LDB2: variants seen among roughly 807,000 people sequenced by gnomAD.
LDB2 encodes LIM domain-binding protein 2.
In LDB2, 12 loss-of-function variants were observed where a neutral mutation model predicts 44.3. The ratio of observed to expected loss-of-function variants is 0.27; its 90% CI spans 0.17 to 0.44. LDB2 has a LOEUF of 0.44. Ranked by LOEUF, LDB2 falls within the 20% of genes least tolerant of loss-of-function variation. The probability of loss-of-function intolerance (pLI) is 1.00; values close to 1 mark genes in which losing one functional copy is unlikely to be tolerated. For missense variants in LDB2, 344 were observed against 473.5 expected, an observed-to-expected ratio of 0.73 and a Z score of 2.54; for synonymous variants, 164 against 174.8, an observed-to-expected ratio of 0.94 and a Z score of 0.49.
chr4:16,681,618 CTTTTTT>C (rs536589787), intron 2 of LDB2, among the ~76,000 whole-genome samples: 41 of 61,698 alleles, frequency 6.6e-4, no homozygotes, highest in Admixed American at 1.0e-3. Flanking sequence ...GTATTCTATT[CTTTTTT>C]TTTTTTTTTT....
At chr4:16,867,363 C>G (rs1436637958) in intron 1 of LDB2, among the ~76,000 whole-genome samples, 2 of 152,120 alleles carry the variant, frequency 1.3e-5, no homozygotes, top group Non-Finnish European at 2.9e-5. Context: ...ATGGGTAGGT[C>G]AATTACCCCC....
intron 5 of LDB2, among the ~76,000 whole-genome samples, chr4:16,585,689 C>G (rs567291538): frequency 6.6e-6 from 1 of 152,204 alleles, no homozygotes; most frequent in East Asian, 1.9e-4. Context: ...ATAATTAATT[C>G]CAAGAGACAT....
chr4:16,750,772 G>A (rs990529008), intron 2 of LDB2: 1 of 152,146 alleles, frequency 6.6e-6, no homozygotes, highest in Non-Finnish European at 1.5e-5. Context: ...CTCAAGTATT[G>A]CATTTGTATA....
At chr4:16,848,391 C>T (rs1787516823) in intron 1 of LDB2, among the ~76,000 whole-genome samples, 2 of 152,166 alleles carry the variant, frequency 1.3e-5, no homozygotes, top group African/African-American at 4.8e-5. Flanking sequence ...TGTCAAAAAT[C>T]TTGAGTATTC....
At chr4:16,628,963 G>T (rs1391695650) in intron 2 of LDB2, among the ~76,000 whole-genome samples, 2 of 152,344 alleles carry the variant, frequency 1.3e-5, no homozygotes, top group African/African-American at 2.4e-5. Context: ...CCCTGTGCCT[G>T]GCTCAGTGGG....
intron 1 of LDB2, among the ~76,000 whole-genome samples, chr4:16,865,674 C>T (rs535010209): frequency 3.3e-5 from 5 of 152,282 alleles, no homozygotes; most frequent in Admixed American, 6.5e-5. Context: ...AGTTGACAAC[C>T]GACTCTAGGG....
At chr4:16,628,798 G>A (rs57438869) in intron 2 of LDB2, among the ~76,000 whole-genome samples, 4,798 of 152,244 alleles carry the variant, frequency 0.032, 114 homozygotes, top group Non-Finnish European at 0.051. Context: ...GAAGGGTGGG[G>A]TGTCACCTCA....
At chr4:16,733,257 G>T (rs1232644041) in intron 2 of LDB2, among the ~76,000 whole-genome samples, 1 of 152,080 alleles carries the variant, frequency 6.6e-6, no homozygotes, top group Non-Finnish European at 1.5e-5. Context: ...TGATTATAAG[G>T]TGAATTGGAG....
chr4:16,612,207 C>G (rs2152466322), intron 2 of LDB2, among the ~76,000 whole-genome samples: 1 of 152,212 alleles, frequency 6.6e-6, no homozygotes, highest in South Asian at 2.1e-4. Context: ...TGGGACACAG[C>G]TAAAGCAGTG....
chr4:16,605,003 A>G (rs367923403), intron 2 of LDB2, among the ~76,000 whole-genome samples: 2 of 152,212 alleles, frequency 1.3e-5, no homozygotes, highest in South Asian at 4.1e-4. Context: ...GGCCAGCAAA[A>G]GGTTTAGTCC....
At chr4:16,822,522 A>T (rs1363787445) in intron 1 of LDB2, among the ~76,000 whole-genome samples, 1 of 151,696 alleles carries the variant, frequency 6.6e-6, no homozygotes, top group African/African-American at 2.4e-5. Context: ...TATTATTATT[A>T]TTTTTCTTTT....
chr4:16,652,217 G>C (rs1738486324), intron 2 of LDB2, among the ~76,000 whole-genome samples: 1 of 152,088 alleles, frequency 6.6e-6, no homozygotes, highest in African/African-American at 2.4e-5. Context: ...AAAGTGTTAT[G>C]TTTACAGGTG....
At chr4:16,543,222 G>A (rs368063474) in intron 5 of LDB2, among the ~76,000 whole-genome samples, 50 of 152,152 alleles carry the variant, frequency 3.3e-4, no homozygotes, top group East Asian at 1.7e-3. Context: ...GAATAGTGCC[G>A]CAATAAACAT....
At chr4:16,805,050 G>C (rs1185796179) in intron 1 of LDB2, among the ~76,000 whole-genome samples, 1 of 151,670 alleles carries the variant, frequency 6.6e-6, no homozygotes, top group African/African-American at 2.4e-5. Flanking sequence ...TGGAGAGAGA[G>C]GGGAAAAGAG....
intron 5 of LDB2, among the ~76,000 whole-genome samples, chr4:16,520,431 G>A (rs1725625258): frequency 6.6e-6 from 1 of 152,160 alleles, no homozygotes; most frequent in East Asian, 1.9e-4. Context: ...TCCCTTAGAA[G>A]CGATGCAAGT....
chr4:16,784,788 C>A (rs1254388570), intron 1 of LDB2, among the ~76,000 whole-genome samples: 1 of 152,194 alleles, frequency 6.6e-6, no homozygotes, highest in Non-Finnish European at 1.5e-5. Context: ...ACAACTCTAT[C>A]CTCTCTCCAT....
intron 2 of LDB2, among the ~76,000 whole-genome samples, chr4:16,677,056 C>G (rs1162260660): frequency 6.6e-6 from 1 of 152,200 alleles, no homozygotes; most frequent in East Asian, 1.9e-4. Context: ...AACCTCAGTT[C>G]CCTTAAGTGG....
At chr4:16,538,699 T>G (rs1732699433) in intron 5 of LDB2, among the ~76,000 whole-genome samples, 1 of 152,224 alleles carries the variant, frequency 6.6e-6, no homozygotes, top group African/African-American at 2.4e-5. Context: ...ATTTGTTAAG[T>G]AATACCATCA....
intron 2 of LDB2, among the ~76,000 whole-genome samples, chr4:16,633,336 A>T (rs4698498): frequency 0.45 from 68,310 of 151,934 alleles, 15,956 homozygotes; most frequent in Middle Eastern, 0.63. Context: ...TACCTAATGT[A>T]AATGACGAGT....
Sources: allele counts gnomAD v4.1 joint callset (sites outside exome capture counted in the v4.1 genomes callset), GRCh38; gene constraint gnomAD v4.1.1; transcripts MANE v1.5; gene names NCBI Gene and HGNC (gene_info 2026-07-23, HGNC 2026-07-21).